The following NPAS2 variants were observed in gnomAD, a reference collection of about 807,000 sequenced individuals.
NPAS2 encodes the protein neuronal PAS domain protein 2, also known as neuronal PAS domain-containing protein 2.
A neutral mutation model predicts 107.5 loss-of-function variants in NPAS2; 23 were observed. That is an observed-to-expected ratio of 0.21 (90% CI 0.15 to 0.30). The LOEUF (loss-of-function observed/expected upper bound fraction) is 0.30, where lower values mean the gene tolerates loss of function less well. NPAS2 is among the 10% of genes least tolerant of loss of function. NPAS2 has a pLI of 1.00. For synonymous variants in NPAS2, 403 were observed against 417.5 expected (o/e 0.97, Z 0.42); for missense variants, 756 against 1,043.3 (o/e 0.72, Z 3.79).
intron 15 of NPAS2, among the ~76,000 whole-genome samples, chr2:100,978,406 C>A (rs371732651): frequency 2.0e-5 from 3 of 151,954 alleles, no homozygotes. Context: ...TTGTTCTTTA[C>A]GACTCCAAAT....
chr2:100,918,750 A>G (rs1256703033), intron 2 of NPAS2, among the ~76,000 whole-genome samples: 1 of 152,216 alleles, frequency 6.6e-6, no homozygotes, highest in Non-Finnish European at 1.5e-5. Flanking sequence ...GACAATATTA[A>G]TTCCCTTTAA....
chr2:100,992,272 G>A (rs562170466), intron 19 of NPAS2, among the ~76,000 whole-genome samples: 72 of 152,308 alleles, frequency 4.7e-4, no homozygotes, highest in African/African-American at 1.6e-3. Context: ...AAAATTAGCC[G>A]GGTGTGGTGG....
At chr2:100,995,289 G>A in intron 20 of NPAS2, 111 bp from the exon 21 acceptor site, 4 of 899,164 alleles carry the variant, frequency 4.4e-6, no homozygotes, top group South Asian at 2.4e-5. Context: ...CCCCAAGAAA[G>A]ACAGCCCTGT....
intron 1 of NPAS2, among the ~76,000 whole-genome samples, chr2:100,889,815 A>G (rs980861060): frequency 1.3e-5 from 2 of 152,214 alleles, no homozygotes; most frequent in Non-Finnish European, 2.9e-5. Context: ...GACCTAGCAG[A>G]TACATCTCAA....
At position 100,932,770 on chromosome 2, in the gene NPAS2, A is replaced by G. The variant is rs1183829673; in HGVS notation, c.182-140A>G. On this transcript the variant is annotated intron_variant, in intron 3 of 20. Transcript: ENST00000335681. Reference sequence around the variant, plus strand: ...CCCAGTCCTTGGAAATCAGGGTAACATATTTCCTTCTGCTGGCTTCTTAAA... The same window carrying G: ...CCCAGTCCTTGGAAATCAGGGTAACGTATTTCCTTCTGCTGGCTTCTTAAA... The G allele has an allele frequency of 3.9e-5, 25 of 636,642 alleles. No individual in the cohort carries two copies. In the Admixed American group the frequency reaches 6.3e-4, roughly 16 times the overall value. The allele number at this position is 636,642 out of a possible 1,614,324, so 39.4% of individuals were successfully genotyped here.
intron 1 of NPAS2, among the ~76,000 whole-genome samples, chr2:100,849,778 G>C (rs1678027785): frequency 6.6e-6 from 1 of 152,096 alleles, no homozygotes; most frequent in Non-Finnish European, 1.5e-5. Context: ...TTGGGGAGGA[G>C]AGGAATGGAC....
intron 15 of NPAS2, among the ~76,000 whole-genome samples, chr2:100,981,390 C>T (rs1180237419): frequency 2.0e-5 from 3 of 152,186 alleles, no homozygotes; most frequent in Non-Finnish European, 4.4e-5. Context: ...GAGCCCAGAG[C>T]AGGGGCTGCA....
chr2:100,946,485 G>T (rs1367238941), intron 5 of NPAS2, among the ~76,000 whole-genome samples: 1 of 152,202 alleles, frequency 6.6e-6, no homozygotes, highest in Non-Finnish European at 1.5e-5. Flanking sequence ...GCCCAGGTGA[G>T]GCTCGGGGAG....
At chr2:100,872,296 T>C (rs572373717) in intron 1 of NPAS2, among the ~76,000 whole-genome samples, 1 of 152,310 alleles carries the variant, frequency 6.6e-6, no homozygotes, top group Admixed American at 6.5e-5. Context: ...CATTGGCAAG[T>C]CACTCTCACT....
At chr2:100,932,440 C>T (rs1684019359) in intron 3 of NPAS2, among the ~76,000 whole-genome samples, 1 of 152,192 alleles carries the variant, frequency 6.6e-6, no homozygotes, top group South Asian at 2.1e-4. Context: ...TTCTGTATAA[C>T]ACAGTGGGTT....
At chr2:100,928,574 A>T (rs1035967137) in intron 3 of NPAS2, among the ~76,000 whole-genome samples, 1 of 152,162 alleles carries the variant, frequency 6.6e-6, no homozygotes, top group Non-Finnish European at 1.5e-5. Flanking sequence ...TTTTCATAAG[A>T]TGAAGGCCTA....
At chr2:100,919,193 A>T (rs1683070706) in intron 2 of NPAS2, among the ~76,000 whole-genome samples, 1 of 152,194 alleles carries the variant, frequency 6.6e-6, no homozygotes. Context: ...GAGCATAGGG[A>T]TGGAGAACAG....
chr2:100,973,211 C>G (rs1395328730), intron 12 of NPAS2, among the ~76,000 whole-genome samples: 2 of 152,012 alleles, frequency 1.3e-5, no homozygotes, highest in Admixed American at 1.3e-4. Context: ...CAATCTTGGG[C>G]ACTGGGTTAA....
chr2:100,974,585 G>A (rs1296737116), intron 12 of NPAS2, among the ~76,000 whole-genome samples: 1 of 152,240 alleles, frequency 6.6e-6, no homozygotes, highest in Non-Finnish European at 1.5e-5. Flanking sequence ...AGGCGAGAAA[G>A]GGTAATAAAC....
At chr2:100,969,131 T>C (rs990876539) in intron 11 of NPAS2, among the ~76,000 whole-genome samples, 25 of 152,042 alleles carry the variant, frequency 1.6e-4, no homozygotes, top group South Asian at 1.2e-3. Flanking sequence ...CAGAGGAGCC[T>C]TGGAGAAGGG....
chr2:100,946,844 G>A (rs1674927539), intron 5 of NPAS2, among the ~76,000 whole-genome samples: 1 of 152,162 alleles, frequency 6.6e-6, no homozygotes, highest in South Asian at 2.1e-4. Flanking sequence ...GCAGTACTAT[G>A]GACACTGTTT....
intron 1 of NPAS2, among the ~76,000 whole-genome samples, chr2:100,865,369 C>A (rs1412375114): frequency 6.6e-6 from 1 of 152,112 alleles, no homozygotes; most frequent in African/African-American, 2.4e-5. Flanking sequence ...GTACTGGGAA[C>A]GTAGCCTGGA....
At chr2:100,993,072 G>A (rs1245677973) in intron 19 of NPAS2, among the ~76,000 whole-genome samples, 1 of 152,024 alleles carries the variant, frequency 6.6e-6, no homozygotes, top group African/African-American at 2.4e-5. Flanking sequence ...TGGGACTACA[G>A]GTGCCCAACA....
chr2:100,872,983 T>A (rs1187854357), intron 1 of NPAS2, among the ~76,000 whole-genome samples: 1 of 151,906 alleles, frequency 6.6e-6, no homozygotes, highest in East Asian at 1.9e-4. Flanking sequence ...GTTCAATGAA[T>A]GAATAAATGA....
Sources: allele counts gnomAD v4.1 joint callset (sites outside exome capture counted in the v4.1 genomes callset), GRCh38; gene constraint gnomAD v4.1.1; transcripts MANE v1.5; gene names NCBI Gene and HGNC (gene_info 2026-07-23, HGNC 2026-07-21).